The following PDE3A variants were observed in gnomAD, a reference collection of about 807,000 sequenced individuals.
The protein encoded by PDE3A is cGMP-inhibited 3',5'-cyclic phosphodiesterase 3A.
Under a neutral mutation model 98.3 loss-of-function variants are expected in PDE3A, and 43 were observed. The observed-to-expected ratio is 0.44, with a 90% CI of 0.34 to 0.56. PDE3A has a LOEUF of 0.56. Ranked by LOEUF, PDE3A falls within the 20% of genes least tolerant of loss-of-function variation. The pLI is 0.01. For synonymous variants in PDE3A, 663 were observed against 567.9 expected (o/e 1.17, Z -2.38); for missense variants, 1,427 against 1,440.7 (o/e 0.99, Z 0.15).
chr12:20,630,152 T>A, intron 6 of PDE3A, 25 bp downstream of exon 6: 1 of 1,485,066 alleles, frequency 6.7e-7, no homozygotes, highest in Non-Finnish European at 9.4e-7. Context: ...TGAACTGAAG[T>A]TTAATAATAA....
At chr12:20,661,342 G>A (rs745583520) in intron 15 of PDE3A, among the ~76,000 whole-genome samples, 1 of 152,202 alleles carries the variant, frequency 6.6e-6, no homozygotes, top group Non-Finnish European at 1.5e-5. Context: ...GTCTGGCAAT[G>A]CAATAGAAAA....
At chr12:20,670,666 A>G (rs1329959118) in intron 15 of PDE3A, among the ~76,000 whole-genome samples, 1 of 147,482 alleles carries the variant, frequency 6.8e-6, no homozygotes, top group Non-Finnish European at 1.5e-5. Flanking sequence ...CAAAGACACA[A>G]CATACCAGAA....
chr12:20,458,516 A>C (rs2120916132), intron 1 of PDE3A, among the ~76,000 whole-genome samples: 1 of 152,276 alleles, frequency 6.6e-6, no homozygotes, highest in East Asian at 1.9e-4. Flanking sequence ...GTGCCCTTAG[A>C]AACACAGGAA....
chr12:20,659,825 T>G (rs1945120917), intron 15 of PDE3A, among the ~76,000 whole-genome samples: 1 of 152,230 alleles, frequency 6.6e-6, no homozygotes, highest in Admixed American at 6.5e-5. Context: ...TTTTACCACT[T>G]ATCAATACTT....
chr12:20,391,086 A>G (rs1323340887), intron 1 of PDE3A, among the ~76,000 whole-genome samples: 1 of 151,910 alleles, frequency 6.6e-6, no homozygotes, highest in East Asian at 1.9e-4. Context: ...TAAAAAGTAC[A>G]TGGGCAAGGT....
chr12:20,666,657 A>G (rs1945321602), intron 15 of PDE3A, among the ~76,000 whole-genome samples: 1 of 152,052 alleles, frequency 6.6e-6, no homozygotes, highest in Non-Finnish European at 1.5e-5. Context: ...TGTATACCAC[A>G]TTTTCTTTAT....
intron 1 of PDE3A, among the ~76,000 whole-genome samples, chr12:20,495,227 G>C (rs901569237): frequency 3.3e-5 from 5 of 151,582 alleles, no homozygotes; most frequent in African/African-American, 7.3e-5. Flanking sequence ...TCTTCTTGTG[G>C]TCACCAATAC....
At chr12:20,431,872 G>A (rs1410047376) in intron 1 of PDE3A, among the ~76,000 whole-genome samples, 1 of 152,176 alleles carries the variant, frequency 6.6e-6, no homozygotes, top group African/African-American at 2.4e-5. Flanking sequence ...TGCAGTTGTT[G>A]TAAGGTTCGT....
intron 8 of PDE3A, among the ~76,000 whole-genome samples, chr12:20,635,504 G>A (rs986071189): frequency 6.6e-6 from 1 of 151,882 alleles, no homozygotes; most frequent in Non-Finnish European, 1.5e-5. Flanking sequence ...CTTGAACCCA[G>A]GAGGTGGAGT....
rs201431313 is a variant in PDE3A, at chr12:20,552,061, TACAC to T, written c.961-4598_961-4595del. 2,221 of 1,612,480 alleles carry T rather than the reference TACAC, an allele frequency of 1.4e-3. 28 individuals are homozygous for T. The African/African-American group carries it at 0.024, about 18-fold the overall frequency. On this transcript the variant is annotated intron_variant, in intron 1 of 15. Transcript: ENST00000359062. This position sits in a 1 kb window ranked among gnomAD's most constrained non-coding sequence, Gnocchi z 5.1. ...CGTGGACCATGGGAATTTTTTCACATACACGGGTAGTGGTGGTCGAGAGCTTTCC... is the reference window on the plus strand; with the variant it reads ...CGTGGACCATGGGAATTTTTTCACATGGGTAGTGGTGGTCGAGAGCTTTCC...
At chr12:20,529,352 T>C (rs747088780) in intron 1 of PDE3A, among the ~76,000 whole-genome samples, 1 of 152,124 alleles carries the variant, frequency 6.6e-6, no homozygotes, top group Non-Finnish European at 1.5e-5. Flanking sequence ...TTCCCTATTA[T>C]GTAGTTGAGA....
chr12:20,461,198 G>T (rs1945242082), intron 1 of PDE3A, among the ~76,000 whole-genome samples: 1 of 125,866 alleles, frequency 7.9e-6, no homozygotes, highest in Non-Finnish European at 1.6e-5. Flanking sequence ...GATTATCTTT[G>T]TAACAGAGAG....
chr12:20,507,058 A>G (rs1456398884), intron 1 of PDE3A, among the ~76,000 whole-genome samples: 2 of 152,068 alleles, frequency 1.3e-5, no homozygotes, highest in Admixed American at 1.3e-4. Context: ...ATTCACATAA[A>G]GGGTATTTAT....
chr12:20,653,185 C>T (rs78046181), intron 14 of PDE3A, among the ~76,000 whole-genome samples: 3,875 of 151,994 alleles, frequency 0.025, 143 homozygotes, highest in African/African-American at 0.088. Flanking sequence ...TATTATTAAA[C>T]ATATAGATAA....
intron 2 of PDE3A, among the ~76,000 whole-genome samples, chr12:20,608,708 T>A (rs1213472985): frequency 1.3e-5 from 2 of 152,006 alleles, no homozygotes; most frequent in African/African-American, 4.8e-5. Context: ...AGACACACAA[T>A]TTGATAATTA....
At chr12:20,532,278 C>A (rs974343943) in intron 1 of PDE3A, among the ~76,000 whole-genome samples, 3 of 151,770 alleles carry the variant, frequency 2.0e-5, no homozygotes, top group African/African-American at 7.3e-5. Context: ...AGGCATTTGT[C>A]TTATTTAACA....
intron 1 of PDE3A, among the ~76,000 whole-genome samples, chr12:20,455,757 T>C (rs1254925706): frequency 6.6e-6 from 1 of 152,156 alleles, no homozygotes; most frequent in Non-Finnish European, 1.5e-5. Context: ...TTTTCTTTTG[T>C]AGCATGATGT....
At chr12:20,603,788 CTTTATG>C (rs544870802) in intron 2 of PDE3A, among the ~76,000 whole-genome samples, 6 of 152,212 alleles carry the variant, frequency 3.9e-5, no homozygotes, top group African/African-American at 1.2e-4. Context: ...TCTCACAAGT[CTTTATG>C]TTTATGATCT....
intron 5 of PDE3A, among the ~76,000 whole-genome samples, chr12:20,623,958 G>A (rs1265189422): frequency 6.6e-6 from 1 of 152,052 alleles, no homozygotes; most frequent in Non-Finnish European, 1.5e-5. Context: ...TTTGTGAATA[G>A]TTTTTATAAG....
Sources: allele counts gnomAD v4.1 joint callset (sites outside exome capture counted in the v4.1 genomes callset), GRCh38; gene constraint gnomAD v4.1.1; non-coding constraint Gnocchi (gnomAD v3.1); transcripts MANE v1.5; gene names NCBI Gene and HGNC (gene_info 2026-07-23, HGNC 2026-07-21).